Variants in EDIL3 observed in about 807,000 individuals in gnomAD.
EDIL3 encodes the protein EGF-like repeat and discoidin I-like domain-containing protein 3.
A neutral mutation model predicts 67.4 loss-of-function variants in EDIL3; 37 were observed. The ratio of observed to expected loss-of-function variants is 0.55; its 90% confidence interval spans 0.42 to 0.72. The LOEUF (loss-of-function observed/expected upper bound fraction) is 0.72. Ranked by LOEUF, EDIL3 falls within the 30% of genes least tolerant of loss-of-function variation. The pLI, the probability that EDIL3 is intolerant of heterozygous loss-of-function variation, is 0.00. For synonymous variants in EDIL3, 195 were observed against 196.3 expected, an observed-to-expected ratio of 0.99 and a Z score of 0.05; for missense variants, 527 against 586.3, an observed-to-expected ratio of 0.90 and a Z score of 1.04.
At chr5:84,170,994 C>T (rs1748802450) in intron 4 of EDIL3, among the ~76,000 whole-genome samples, 1 of 151,938 alleles carries the variant, frequency 6.6e-6, no homozygotes, top group Non-Finnish European at 1.5e-5. Context: ...GGAGTTTCAC[C>T]ATGTTGGCCA....
intron 10 of EDIL3, among the ~76,000 whole-genome samples, chr5:83,950,261 T>C (rs1191264726): frequency 1.3e-5 from 2 of 151,978 alleles, no homozygotes; most frequent in African/African-American, 2.4e-5. Flanking sequence ...TGTGAGTTTT[T>C]CTATTGAATT....
intron 2 of EDIL3, among the ~76,000 whole-genome samples, chr5:84,251,060 C>T (rs1745016223): frequency 6.6e-6 from 1 of 151,998 alleles, no homozygotes; most frequent in Non-Finnish European, 1.5e-5. Flanking sequence ...TAGATAACAA[C>T]AGGAGAACAA....
chr5:84,332,517 A>C (rs1316019074), intron 1 of EDIL3, among the ~76,000 whole-genome samples: 3 of 152,332 alleles, frequency 2.0e-5, no homozygotes, highest in East Asian at 1.9e-4. Context: ...AACTCAAGTA[A>C]CTGTTTTCTT....
At chr5:84,290,070 T>A (rs961215587) in intron 1 of EDIL3, among the ~76,000 whole-genome samples, 1 of 152,086 alleles carries the variant, frequency 6.6e-6, no homozygotes, top group Non-Finnish European at 1.5e-5. Context: ...AACATTAATT[T>A]CCCCAGCCAC....
chr5:84,337,311 G>A (rs140768988), intron 1 of EDIL3, among the ~76,000 whole-genome samples: 1 of 152,122 alleles, frequency 6.6e-6, no homozygotes, highest in Admixed American at 6.5e-5. Context: ...CTAGGTACAC[G>A]TTGATCTGCT....
At chr5:84,344,431 T>C (rs1447706277) in intron 1 of EDIL3, among the ~76,000 whole-genome samples, 1 of 152,042 alleles carries the variant, frequency 6.6e-6, no homozygotes, top group East Asian at 1.9e-4. Context: ...TTTTAAACTT[T>C]TAATTAATTT....
At chr5:84,049,493 G>T (rs1224212440) in intron 9 of EDIL3, among the ~76,000 whole-genome samples, 1 of 152,098 alleles carries the variant, frequency 6.6e-6, no homozygotes, top group African/African-American at 2.4e-5. Flanking sequence ...ACTACCTATG[G>T]AAGCTAATAG....
At chr5:83,966,528 T>C (rs1224419411) in intron 9 of EDIL3, among the ~76,000 whole-genome samples, 1 of 151,904 alleles carries the variant, frequency 6.6e-6, no homozygotes, top group Non-Finnish European at 1.5e-5. Context: ...TAGCAAAAAA[T>C]CCTCTCCAAT....
chr5:84,172,244 C>A (rs1363541816), intron 4 of EDIL3, among the ~76,000 whole-genome samples: 1 of 152,074 alleles, frequency 6.6e-6, no homozygotes, highest in African/African-American at 2.4e-5. Context: ...ATATAGTTTG[C>A]AAGTGTCAGT....
chr5:84,171,306 T>C (rs1278565283), intron 4 of EDIL3, among the ~76,000 whole-genome samples: 1 of 152,186 alleles, frequency 6.6e-6, no homozygotes, highest in African/African-American at 2.4e-5. Context: ...CATATCTGAG[T>C]ATCACAAAAA....
At chr5:84,194,521 T>C (rs1743659049) in intron 3 of EDIL3, among the ~76,000 whole-genome samples, 1 of 151,914 alleles carries the variant, frequency 6.6e-6, no homozygotes, top group Non-Finnish European at 1.5e-5. Flanking sequence ...GACATGAAAA[T>C]GTAGACTCAA....
intron 1 of EDIL3, among the ~76,000 whole-genome samples, chr5:84,375,926 T>A (rs948831069): frequency 3.9e-5 from 6 of 152,218 alleles, no homozygotes; most frequent in African/African-American, 1.4e-4. Context: ...AGAGAATAAG[T>A]ATAATTTAAT....
chr5:84,325,022 G>A (rs1218080802), intron 1 of EDIL3, among the ~76,000 whole-genome samples: 6 of 151,582 alleles, frequency 4.0e-5, no homozygotes, highest in South Asian at 2.1e-4. Flanking sequence ...CCAAAAAATC[G>A]AAGAGGAAGG....
At chr5:84,305,883 G>GTAAATAAATAAA (rs769566499) in intron 1 of EDIL3, among the ~76,000 whole-genome samples, 78 of 138,764 alleles carry the variant, frequency 5.6e-4, no homozygotes, top group African/African-American at 1.7e-3. Context: ...GGTCTTAAAA[G>GTAAATAAATAAA]TAAATAAATA....
intron 3 of EDIL3, among the ~76,000 whole-genome samples, chr5:84,183,737 T>A (rs1313740769): frequency 2.0e-5 from 3 of 152,146 alleles, no homozygotes; most frequent in Non-Finnish European, 4.4e-5. Context: ...TCCTTCACAC[T>A]TACAGGGTTG....
At chr5:83,982,136 A>G (rs1016964983) in intron 9 of EDIL3, among the ~76,000 whole-genome samples, 2 of 152,034 alleles carry the variant, frequency 1.3e-5, no homozygotes, top group Non-Finnish European at 2.9e-5. Flanking sequence ...TAAAACTATG[A>G]ATAACAGTAT....
chr5:84,161,999 A>G (rs1371046088), intron 4 of EDIL3, among the ~76,000 whole-genome samples: 1 of 152,132 alleles, frequency 6.6e-6, no homozygotes, highest in Admixed American at 6.6e-5. Flanking sequence ...CAGATATCCA[A>G]GCCCAAGCAC....
At chr5:84,101,084 A>G (rs978131360) in intron 6 of EDIL3, among the ~76,000 whole-genome samples, 1 of 152,066 alleles carries the variant, frequency 6.6e-6, no homozygotes, top group Non-Finnish European at 1.5e-5. Flanking sequence ...AGTTCAGTAC[A>G]TTGCTGATTG....
intron 4 of EDIL3, among the ~76,000 whole-genome samples, chr5:84,173,472 G>A (rs1009219475): frequency 3.3e-5 from 5 of 152,072 alleles, no homozygotes; most frequent in African/African-American, 2.4e-5. Context: ...AGACTCGCAC[G>A]ACTGCCCCCC....
Sources: allele counts gnomAD v4.1 joint callset (sites outside exome capture counted in the v4.1 genomes callset), GRCh38; gene constraint gnomAD v4.1.1; transcripts MANE v1.5; gene names NCBI Gene and HGNC (gene_info 2026-07-23, HGNC 2026-07-21).